Variants in CABIN1 observed in about 807,000 individuals in gnomAD.
The protein encoded by CABIN1 is calcineurin binding protein 1, also known as calcineurin-binding protein cabin-1.
CABIN1 carries 133 observed loss-of-function variants against 227.7 expected under a neutral mutation model. That is an observed-to-expected ratio of 0.58 (90% confidence interval 0.51 to 0.67). The LOEUF (loss-of-function observed/expected upper bound fraction) is 0.67, where lower values mean the gene tolerates loss of function less well. Ranked by LOEUF, CABIN1 falls within the 30% of genes least tolerant of loss-of-function variation. CABIN1 has a pLI of 0.00. For missense variants in CABIN1, 2,408 were observed against 2,852.5 expected, an observed-to-expected ratio of 0.84 and a Z score of 3.55; for synonymous variants, 1,086 against 1,155.1, an observed-to-expected ratio of 0.94 and a Z score of 1.21.
chr22:24,172,546 G>A (rs1217721407), intron 34 of CABIN1, among the ~76,000 whole-genome samples: 2 of 152,216 alleles, frequency 1.3e-5, no homozygotes, highest in East Asian at 3.9e-4. Flanking sequence ...GCCAGGATGA[G>A]GGCAGGGGCA....
At chr22:24,075,267 T>C (rs937535046) in intron 18 of CABIN1, among the ~76,000 whole-genome samples, 4 of 152,164 alleles carry the variant, frequency 2.6e-5, no homozygotes, top group Non-Finnish European at 4.4e-5. Flanking sequence ...GCTTCTGACA[T>C]GTTCTGTCCT....
chr22:24,090,662 A>T (rs544862945), intron 23 of CABIN1, among the ~76,000 whole-genome samples: 2 of 152,166 alleles, frequency 1.3e-5, no homozygotes, highest in East Asian at 3.9e-4. Flanking sequence ...GGCCGGCTCA[A>T]CCTGGCTGGA....
intron 24 of CABIN1, among the ~76,000 whole-genome samples, chr22:24,094,140 G>T (rs2041730107): frequency 6.6e-6 from 1 of 152,206 alleles, no homozygotes; most frequent in Non-Finnish European, 1.5e-5. Flanking sequence ...TAAGTCACCT[G>T]CAGGAACAGA....
At chr22:24,104,270 A>G (rs2042377236) in intron 26 of CABIN1, among the ~76,000 whole-genome samples, 1 of 152,134 alleles carries the variant, frequency 6.6e-6, no homozygotes, top group South Asian at 2.1e-4. Flanking sequence ...CACCTTACAG[A>G]ACTGCTTCGC....
intron 34 of CABIN1, chr22:24,175,899 T>G (rs1601313492): frequency 1.6e-6 from 1 of 642,118 alleles, no homozygotes; most frequent in South Asian, 1.8e-5. Context: ...CCTCTGGGGG[T>G]GGGGAGCCAG....
intron 18 of CABIN1, among the ~76,000 whole-genome samples, chr22:24,075,948 G>A (rs1442767876): frequency 1.3e-5 from 2 of 151,464 alleles, no homozygotes; most frequent in Admixed American, 6.6e-5. Flanking sequence ...TTTCCTATAT[G>A]GCTTGAATTG....
rs932533727 is a variant in CABIN1 at position 24,075,379 on chromosome 22, A to G, written c.2633-790A>G. On this transcript the variant is annotated intron_variant, in intron 18 of 36. Transcript: ENST00000263119. ...ATAAACAAATAATACTTCTAGTGGT[A>G]AACAAATGTGTAACTGGAATTCAGT... Among the ~76,000 whole-genome samples the G allele has an allele frequency of 2.0e-5, 3 of 152,338 alleles. No homozygotes were observed. In the South Asian group the frequency reaches 6.2e-4, roughly 32 times the overall value.
chr22:24,060,592 G>A (rs548389430), intron 12 of CABIN1, among the ~76,000 whole-genome samples: 1 of 152,234 alleles, frequency 6.6e-6, no homozygotes, highest in Non-Finnish European at 1.5e-5. Flanking sequence ...TGTTTGAGTT[G>A]GCAAGGACTG....
Position 24,067,176 on chromosome 22 carries a change from C to T in CABIN1, c.2227C>T (p.Leu743=). The change falls in exon 16 of 37, where the codon CTG becomes TTG. Residue 743 remains leucine, a synonymous_variant. Coordinates refer to ENST00000263119, the MANE Select transcript of CABIN1 (RefSeq NM_012295.4). ...TGAGAGGCCAGCCCAGCTGCTTCTT[C>T]TGCAGGTGTGTGCTGCCAGTGTCCC... is the stretch of plus-strand genomic sequence containing the variant. ...IPERPAQLLL[L]QDSLLRLKDY... 6 of 1,614,256 alleles carry T rather than the reference C, an allele frequency of 3.7e-6. No homozygotes were observed. Among genetic ancestry groups the T allele is most frequent in the Non-Finnish European group, 5.1e-6 (6 of 1,180,044 alleles).
intron 26 of CABIN1, among the ~76,000 whole-genome samples, chr22:24,113,142 A>G (rs1295778515): frequency 2.0e-5 from 3 of 152,230 alleles, no homozygotes; most frequent in African/African-American, 7.2e-5. Context: ...TTTCTGTTAT[A>G]TTTATATGGT....
chr22:24,047,562 G>A (rs534053397), intron 6 of CABIN1, among the ~76,000 whole-genome samples: 7 of 152,204 alleles, frequency 4.6e-5, no homozygotes, highest in Non-Finnish European at 7.3e-5. Context: ...ATTGAGCAGC[G>A]TGGACTGTGC....
At chr22:24,121,955 G>A (rs1167557634) in intron 28 of CABIN1, among the ~76,000 whole-genome samples, 2 of 152,176 alleles carry the variant, frequency 1.3e-5, no homozygotes, top group East Asian at 1.9e-4. Flanking sequence ...ATGGAATTTC[G>A]GGTACAAAAT....
chr22:24,053,591 C>T (rs1460088773), intron 8 of CABIN1, among the ~76,000 whole-genome samples: 1 of 151,070 alleles, frequency 6.6e-6, no homozygotes, highest in Non-Finnish European at 1.5e-5. Context: ...GTTGGTCAGG[C>T]AGGTCTCGAA....
chr22:24,015,177 A>G, intron 1 of CABIN1, among the ~76,000 whole-genome samples: 1 of 149,476 alleles, frequency 6.7e-6, no homozygotes, highest in East Asian at 2.1e-4. Context: ...GAGGCTGGAG[A>G]ATCGCTTGAA....
In CABIN1 at chr22:24,056,194, G is replaced by C. The variant is rs1343734868; in HGVS notation, c.1096G>C (p.Asp366His). ...TTTAATTTGCATTCTTTGTGAAGGT[G>C]ATATTTCTGGGGGAGATAAATCCAA... is the stretch of plus-strand genomic sequence containing the variant. ...GLLETGAPVG[D>H]ISGGDKSKKG... The change falls in exon 10 of 37, where the codon GAT becomes CAT. Residue 366 changes from aspartate (D) to histidine (H), a missense_variant and splice_region_variant. Asp to His is a moderately conservative substitution (Grantham distance 81). Around this residue, in one of 3 missense-constraint regions of CABIN1, gnomAD observed 1,045 missense variants for 1,168.4 expected, o/e 0.89. Coordinates refer to ENST00000263119, the MANE Select transcript of CABIN1 (RefSeq NM_012295.4). 1 of 1,613,660 alleles carries C rather than the reference G, an allele frequency of 6.2e-7. No homozygotes were observed. Among genetic ancestry groups the C allele is most frequent in the African/African-American group, 1.3e-5 (1 of 74,882 alleles).
At position 24,072,477 on chromosome 22, in the gene CABIN1, C is replaced by T; in HGVS notation, c.2599C>T (p.His867Tyr). 1.2e-6 allele frequency: 2 copies of T among 1,614,214 alleles called. No homozygotes were observed. The highest frequency in any genetic ancestry group is 1.6e-4 in the Middle Eastern group (1 of 6,062). The change falls in exon 18 of 37, where the codon CAC (histidine) becomes TAC (tyrosine). Residue 867 changes from histidine to tyrosine, a missense_variant. Coordinates refer to ENST00000263119, the MANE Select transcript of CABIN1 (RefSeq NM_012295.4). ...QEEDTFHSLC[H>Y]QQQLQNPAEE... is the part of the protein sequence containing the mutation. Reference sequence around the variant, plus strand: ...GGAAGACACCTTCCATTCTCTGTGCCACCAGCAGCAGCTCCAAAACCCAGC... The same window carrying T: ...GGAAGACACCTTCCATTCTCTGTGCTACCAGCAGCAGCTCCAAAACCCAGC...
At chr22:24,070,164 C>G (rs1354620031) in intron 16 of CABIN1, among the ~76,000 whole-genome samples, 1 of 152,162 alleles carries the variant, frequency 6.6e-6, no homozygotes, top group Non-Finnish European at 1.5e-5. Flanking sequence ...GAGAGTTCTT[C>G]CATGTGCCAG....
intron 29 of CABIN1, among the ~76,000 whole-genome samples, chr22:24,159,824 G>A (rs1438296252): frequency 1.3e-5 from 2 of 152,164 alleles, no homozygotes; most frequent in African/African-American, 4.8e-5. Context: ...TGGTGCTGGT[G>A]GAAGACACTG....
intron 29 of CABIN1, 54 bp downstream of exon 29, chr22:24,134,469 C>G: frequency 6.8e-7 from 1 of 1,461,806 alleles, no homozygotes; most frequent in Non-Finnish European, 9.5e-7. Context: ...CTGCTTTTCA[C>G]TGAAGGCGCA....
Sources: gnomAD v4.1 joint callset for allele counts (sites outside exome capture counted in the v4.1 genomes callset) on GRCh38, gnomAD v4.1.1 for gene constraint, gnomAD v4.1.1 regional missense constraint, MANE v1.5 for transcripts, NCBI Gene and HGNC (gene_info 2026-07-23, HGNC 2026-07-21) for gene names.